The following PAIP2B variants were observed in gnomAD, a reference collection of about 807,000 sequenced individuals.
The protein encoded by PAIP2B is poly(A) binding protein interacting protein 2B.
A neutral mutation model predicts 17.0 loss-of-function variants in PAIP2B; 13 were observed. The ratio of observed to expected loss-of-function variants is 0.76; its 90% CI spans 0.50 to 1.22. The LOEUF is 1.22. PAIP2B is among the 50% of genes most tolerant of loss of function. PAIP2B has a pLI of 0.00. For missense variants in PAIP2B, 117 were observed against 144.5 expected, an observed-to-expected ratio of 0.81 and a Z score of 0.98; for synonymous variants, 43 against 48.7, an observed-to-expected ratio of 0.88 and a Z score of 0.48.
chr2:71,202,434 T>C lies in PAIP2B; in HGVS notation c.138+18A>G, dbSNP rs1258784965. 1 of 1,609,698 alleles carries C rather than the reference T, an allele frequency of 6.2e-7. No homozygotes were observed. The highest frequency in any genetic ancestry group is 1.7e-5 in the Admixed American group (1 of 59,046). On this transcript the variant is annotated intron_variant, in intron 2 of 3. Coordinates refer to ENST00000244221, the MANE Select transcript of PAIP2B (RefSeq NM_020459.1). Reference sequence around the variant, plus strand: ...TACATGTATCATCAATCTTCCACTTTTCCAGTTCTTTCTTTACCTGTCTGT... The same window carrying C: ...TACATGTATCATCAATCTTCCACTTCTCCAGTTCTTTCTTTACCTGTCTGT...
In PAIP2B at chr2:71,202,535, G is replaced by C; in HGVS notation, c.55C>G (p.Gln19Glu). Residue 19 changes from glutamine to glutamate, a missense_variant, in exon 2 of 4, where the codon CAG (glutamine) becomes GAG (glutamate). Gln to Glu is a conservative substitution (Grantham distance 29). Transcript: ENST00000244221. ...TSPSVKSKED[Q>E]GLSGHDEKEN... ...TTTTCATCGTGCCCACTTAACCCCT[G>C]GTCCTCTTTGGATTTTACACTCGGT... The C allele has an allele frequency of 1.2e-6, 2 of 1,613,406 alleles. No individual in the cohort carries two copies. Among genetic ancestry groups the C allele is most frequent in the Non-Finnish European group, 1.7e-6 (2 of 1,179,592 alleles).
In PAIP2B at chr2:71,216,152, T is replaced by C. The variant is rs112988975; in HGVS notation, c.-12+10776A>G. ...ATTACTGTTTAAAATAATCTCAAGA[T>C]ACATGTCTAATATCTTTAAAAACAC... On this transcript the variant is annotated intron_variant, in intron 1 of 3. Transcript: ENST00000244221. 3.7e-3 allele frequency among the ~76,000 whole-genome samples: 568 copies of C among 152,346 alleles called. 5 individuals are homozygous for C. The highest frequency in any genetic ancestry group is 0.013 in the African/African-American group (529 of 41,584).
intron 2 of PAIP2B, among the ~76,000 whole-genome samples, chr2:71,197,932 A>G (rs1674864997): frequency 6.6e-6 from 1 of 152,198 alleles, no homozygotes; most frequent in Non-Finnish European, 1.5e-5. Context: ...GAGCTACAAG[A>G]TGAGATTTGG....
chr2:71,200,305 C>T (rs1674946547), intron 2 of PAIP2B, among the ~76,000 whole-genome samples: 3 of 152,090 alleles, frequency 2.0e-5, no homozygotes, highest in African/African-American at 4.8e-5. Flanking sequence ...GTACAGCACA[C>T]CATAGTGTAA....
chr2:71,202,167 C>T (rs564772495), intron 2 of PAIP2B, among the ~76,000 whole-genome samples: 5 of 152,244 alleles, frequency 3.3e-5, no homozygotes, highest in Admixed American at 6.5e-5. Flanking sequence ...TGGGCTCTCA[C>T]GTGAGGATGT....
intron 2 of PAIP2B, among the ~76,000 whole-genome samples, chr2:71,197,364 G>A (rs2103770754): frequency 6.6e-6 from 1 of 152,232 alleles, no homozygotes; most frequent in South Asian, 2.1e-4. Context: ...TGGCTTATAG[G>A]GTTTCAGCCA....
Position 71,202,566 on chromosome 2 carries a change from A to G in PAIP2B, c.24T>C (p.Asn8=). 6.2e-7 allele frequency: 1 copy of G among 1,613,548 alleles called. No homozygotes were observed. The highest frequency in any genetic ancestry group is 8.5e-7 in the Non-Finnish European group (1 of 1,179,602). ...CTTTGGATTTTACACTCGGTGATGT[A>G]TTTGCCATATTGGATCCATTCATTA... The part of the protein sequence containing the change: MNGSNMA[N]TSPSVKSKED... Residue 8 remains asparagine, a synonymous_variant, in exon 2 of 4, where the codon AAT becomes AAC. Coordinates refer to ENST00000244221, the MANE Select transcript of PAIP2B (RefSeq NM_020459.1).
chr2:71,198,324 C>T lies in PAIP2B; in HGVS notation c.138+4128G>A, dbSNP rs1445664991. 1.1e-4 allele frequency among the ~76,000 whole-genome samples: 16 copies of T among 146,334 alleles called. No individual in the cohort carries two copies. The South Asian group carries it at 2.2e-3, about 20-fold the overall frequency. On this transcript the variant is annotated intron_variant, in intron 2 of 3. Transcript: ENST00000244221. ...TTTTTGAGACAGAGTCTCGCTCTGT[C>T]GCCCAGGCTGGAGTGCAGTGGCGCG...
At chr2:71,219,082 ATTTTTTTTTTTTT>A (rs568552077) in intron 1 of PAIP2B, among the ~76,000 whole-genome samples, 2 of 114,000 alleles carry the variant, frequency 1.8e-5, no homozygotes, top group Non-Finnish European at 1.7e-5. Context: ...CGCCTAGCTA[ATTTTTTTTTTTTT>A]TTTTTTTTGT....
At chr2:71,206,600 G>A (rs1302720486) in intron 1 of PAIP2B, among the ~76,000 whole-genome samples, 2 of 152,130 alleles carry the variant, frequency 1.3e-5, no homozygotes, top group African/African-American at 4.8e-5. Context: ...GACTTTTAAT[G>A]TATCTAGGAT....
At chr2:71,197,265 A>G (rs1166173766) in intron 2 of PAIP2B, among the ~76,000 whole-genome samples, 3 of 152,176 alleles carry the variant, frequency 2.0e-5, no homozygotes, top group Non-Finnish European at 2.9e-5. Context: ...TTTTTCCTTC[A>G]TTTAAGAAAC....
At chr2:71,211,602 GAAA>G (rs11376681) in intron 1 of PAIP2B, among the ~76,000 whole-genome samples, 1 of 133,588 alleles carries the variant, frequency 7.5e-6, no homozygotes. Context: ...AATGCTCTTT[GAAA>G]AAAAAAAAAA....
In PAIP2B at chr2:71,188,528, CT is replaced by C. The variant is rs765430745; in HGVS notation, c.322del (p.Ser108ValfsTer3). 2 of 1,608,030 alleles carry C rather than the reference CT, an allele frequency of 1.2e-6. No homozygotes were observed. The highest frequency in any genetic ancestry group is 3.4e-5 in the Admixed American group (2 of 59,212). ...CTCCTTGGCATCTGGGTTCAGGTTA[CT>C]TTTGCTCTGAAATAAGAACCAAGAG... is the stretch of plus-strand genomic sequence containing the variant. The part of the protein sequence containing the change: ...GHDSEDILSK[S>X]NLNPDAKEFI... On this transcript the variant is annotated frameshift_variant, in exon 4 of 4. Transcript: ENST00000244221. LOFTEE classifies it high-confidence loss of function.
intron 1 of PAIP2B, among the ~76,000 whole-genome samples, chr2:71,213,182 C>T (rs545486850): frequency 1.4e-4 from 22 of 152,264 alleles, no homozygotes; most frequent in African/African-American, 5.1e-4. Flanking sequence ...AAGCTTGCCA[C>T]AGTGGAATTA....
At chr2:71,215,848 T>G (rs1211639222) in intron 1 of PAIP2B, among the ~76,000 whole-genome samples, 3 of 152,224 alleles carry the variant, frequency 2.0e-5, no homozygotes, top group African/African-American at 7.2e-5. Context: ...TTTATATATC[T>G]GTGTATCTAT....
intron 1 of PAIP2B, among the ~76,000 whole-genome samples, chr2:71,218,815 T>C (rs2103822657): frequency 6.6e-6 from 1 of 152,316 alleles, no homozygotes; most frequent in South Asian, 2.1e-4. Flanking sequence ...AAAGACTATA[T>C]TTTATGATTC....
intron 2 of PAIP2B, among the ~76,000 whole-genome samples, chr2:71,199,408 TA>T (rs61527424): frequency 0.042 from 5,722 of 137,188 alleles, 200 homozygotes; most frequent in African/African-American, 0.1. Context: ...AAGCTTAGAG[TA>T]AAAAAAAAAA....
intron 1 of PAIP2B, among the ~76,000 whole-genome samples, chr2:71,207,487 G>C (rs1010207611): frequency 1.3e-5 from 2 of 152,036 alleles, no homozygotes; most frequent in African/African-American, 4.8e-5. Flanking sequence ...AATAATAGAA[G>C]CCATTATAAG....
At chr2:71,211,710 A>G (rs533555686) in intron 1 of PAIP2B, among the ~76,000 whole-genome samples, 1 of 152,208 alleles carries the variant, frequency 6.6e-6, no homozygotes, top group East Asian at 1.9e-4. Context: ...CCTTTATTAC[A>G]TATATTACAT....
Sources: gnomAD v4.1 joint callset for allele counts (sites outside exome capture counted in the v4.1 genomes callset) on GRCh38, gnomAD v4.1.1 for gene constraint, MANE v1.5 for transcripts, NCBI Gene and HGNC (gene_info 2026-07-23, HGNC 2026-07-21) for gene names.